Variants in B3GALT1 observed in about 807,000 individuals in gnomAD.
The protein encoded by B3GALT1 is UDP-Gal:betaGlcNAc beta 1,3-galactosyltransferase, polypeptide 1.
Under a neutral mutation model 23.2 loss-of-function variants are expected in B3GALT1, and 10 were observed. The ratio of observed to expected loss-of-function variants is 0.43; its 90% CI spans 0.27 to 0.73. The LOEUF (loss-of-function observed/expected upper bound fraction) is 0.73, where lower values mean the gene tolerates loss of function less well. Among genes scored for constraint, B3GALT1 ranks in the 30% least tolerant of loss-of-function variants. The probability of loss-of-function intolerance (pLI) is 0.21; values close to 1 mark genes in which losing one functional copy is unlikely to be tolerated. For missense variants in B3GALT1, 299 were observed against 405.4 expected (o/e 0.74, Z 2.25); for synonymous variants, 156 against 141.5 (o/e 1.10, Z -0.73).
chr2:167,827,547 C>T (rs1321400256), intron 4 of B3GALT1, among the ~76,000 whole-genome samples: 1 of 152,204 alleles, frequency 6.6e-6, no homozygotes, highest in Non-Finnish European at 1.5e-5. Flanking sequence ...AGCTAAGGAG[C>T]AGGGAGTCAG....
At chr2:167,811,250 T>C (rs748052369) in intron 3 of B3GALT1, among the ~76,000 whole-genome samples, 5 of 152,230 alleles carry the variant, frequency 3.3e-5, no homozygotes, top group Non-Finnish European at 5.9e-5. Flanking sequence ...TTACCTATCT[T>C]TGTTTTCCAA....
intron 3 of B3GALT1, among the ~76,000 whole-genome samples, chr2:167,653,871 C>T (rs1166704332): frequency 6.6e-6 from 1 of 152,196 alleles, no homozygotes; most frequent in East Asian, 1.9e-4. Context: ...CACCAGCAGC[C>T]ATCCAAGGTC....
At chr2:167,383,818 A>G (rs1043200555) in intron 1 of B3GALT1, among the ~76,000 whole-genome samples, 4 of 152,220 alleles carry the variant, frequency 2.6e-5, no homozygotes, top group Non-Finnish European at 4.4e-5. Flanking sequence ...ACTTTCAGTT[A>G]TTGACATTGT....
At chr2:167,322,577 C>G (rs1019335588) in intron 1 of B3GALT1, among the ~76,000 whole-genome samples, 2 of 151,828 alleles carry the variant, frequency 1.3e-5, no homozygotes, top group Non-Finnish European at 2.9e-5. Flanking sequence ...AAAATTAAAA[C>G]GAGTGATTTG....
chr2:167,445,765 G>A (rs1485971900), intron 1 of B3GALT1, among the ~76,000 whole-genome samples: 11 of 152,208 alleles, frequency 7.2e-5, no homozygotes, highest in East Asian at 3.9e-4. Context: ...GTCTCTGCAC[G>A]TGAGATGGGT....
chr2:167,564,304 TGGC>T (rs1326239383), intron 2 of B3GALT1, among the ~76,000 whole-genome samples: 1 of 140,862 alleles, frequency 7.1e-6, no homozygotes, highest in Non-Finnish European at 1.5e-5. Context: ...CCAGATGTGA[TGGC>T]GGCCGGGAAG....
chr2:167,586,528 T>G (rs1466979911), intron 2 of B3GALT1, among the ~76,000 whole-genome samples: 2 of 152,212 alleles, frequency 1.3e-5, no homozygotes, highest in Non-Finnish European at 2.9e-5. Context: ...CTCGATCTCC[T>G]GACCTTGTGA....
At chr2:167,488,631 A>G (rs376831283) in intron 1 of B3GALT1, among the ~76,000 whole-genome samples, 1 of 152,240 alleles carries the variant, frequency 6.6e-6, no homozygotes, top group Non-Finnish European at 1.5e-5. Flanking sequence ...TAAAGTATAC[A>G]GATTTTAAGG....
At chr2:167,404,508 A>G (rs537190311) in intron 1 of B3GALT1, among the ~76,000 whole-genome samples, 1 of 152,152 alleles carries the variant, frequency 6.6e-6, no homozygotes, top group Non-Finnish European at 1.5e-5. Flanking sequence ...TTTCCTTTCT[A>G]TTCAGTATAA....
intron 1 of B3GALT1, among the ~76,000 whole-genome samples, chr2:167,405,609 A>G (rs1233014548): frequency 1.3e-5 from 2 of 152,088 alleles, no homozygotes; most frequent in Middle Eastern, 3.3e-3. Flanking sequence ...TCTTTGTTAC[A>G]TGTTCAGACA....
intron 3 of B3GALT1, among the ~76,000 whole-genome samples, chr2:167,750,746 A>AG (rs1687721879): frequency 6.6e-6 from 1 of 151,854 alleles, no homozygotes; most frequent in Non-Finnish European, 1.5e-5. Context: ...AAAAAAAAAA[A>AG]AAAAAAAACT....
intron 4 of B3GALT1, among the ~76,000 whole-genome samples, chr2:167,865,209 G>C (rs1271113217): frequency 6.6e-6 from 1 of 151,740 alleles, no homozygotes; most frequent in African/African-American, 2.4e-5. Context: ...AGGAGTTGGA[G>C]ACCAGCCTGG....
chr2:167,689,574 CT>C (rs1289185317), intron 3 of B3GALT1, among the ~76,000 whole-genome samples: 4 of 152,096 alleles, frequency 2.6e-5, no homozygotes, highest in African/African-American at 9.7e-5. Context: ...CTTAAAAGGA[CT>C]TCTGGATTCC....
chr2:167,382,280 T>C (rs1011996652), intron 1 of B3GALT1, among the ~76,000 whole-genome samples: 1 of 151,892 alleles, frequency 6.6e-6, no homozygotes, highest in African/African-American at 2.4e-5. Flanking sequence ...CCATTTAACC[T>C]TGCTTTCTAA....
intron 1 of B3GALT1, among the ~76,000 whole-genome samples, chr2:167,327,948 C>T (rs915088778): frequency 1.3e-5 from 2 of 152,152 alleles, no homozygotes; most frequent in African/African-American, 4.8e-5. Flanking sequence ...TTAAATTCAT[C>T]AAATACTTTT....
chr2:167,837,157 G>A (rs1466197764), intron 4 of B3GALT1, among the ~76,000 whole-genome samples: 2 of 152,152 alleles, frequency 1.3e-5, no homozygotes, highest in African/African-American at 2.4e-5. Context: ...ATAATGACAG[G>A]ATCAAATTCA....
At chr2:167,686,783 G>A (rs1299981086) in intron 3 of B3GALT1, among the ~76,000 whole-genome samples, 2 of 152,110 alleles carry the variant, frequency 1.3e-5, no homozygotes, top group Admixed American at 6.6e-5. Flanking sequence ...TCCAAGAGAA[G>A]AGGAGACCAA....
intron 3 of B3GALT1, among the ~76,000 whole-genome samples, chr2:167,726,367 C>T (rs1199361541): frequency 6.6e-6 from 1 of 152,180 alleles, no homozygotes; most frequent in Non-Finnish European, 1.5e-5. Flanking sequence ...TGCCAGGAAT[C>T]CGCCCACCTG....
At chr2:167,412,706 T>C (rs1698410010) in intron 1 of B3GALT1, among the ~76,000 whole-genome samples, 1 of 152,098 alleles carries the variant, frequency 6.6e-6, no homozygotes, top group Non-Finnish European at 1.5e-5. Context: ...ATATTGTATA[T>C]TCCGTATGAC....
Sources: gnomAD v4.1 joint callset for allele counts (sites outside exome capture counted in the v4.1 genomes callset) on GRCh38, gnomAD v4.1.1 for gene constraint, MANE v1.5 for transcripts, NCBI Gene and HGNC (gene_info 2026-07-23, HGNC 2026-07-21) for gene names.